NEO1: variants seen among roughly 807,000 people sequenced by gnomAD.
NEO1 encodes neogenin.
A neutral mutation model predicts 159.7 loss-of-function variants in NEO1; 63 were observed. The observed-to-expected ratio is 0.39, with a 90% CI of 0.32 to 0.49. The LOEUF is 0.49. NEO1 is among the 20% of genes least tolerant of loss of function. The probability of loss-of-function intolerance (pLI) is 0.85; values close to 1 mark genes in which losing one functional copy is unlikely to be tolerated. For missense variants in NEO1, 1,615 were observed against 1,831.0 expected, an observed-to-expected ratio of 0.88 and a Z score of 2.15; for synonymous variants, 633 against 662.0, an observed-to-expected ratio of 0.96 and a Z score of 0.67.
chr15:73,266,278 A>G lies in NEO1; in HGVS notation c.2399-38A>G, dbSNP rs746497642. The G allele has an allele frequency of 3.2e-5, 49 of 1,513,664 alleles. No homozygotes were observed. The Middle Eastern group carries it at 8.6e-4, about 27-fold the overall frequency. 93.8% of individuals were successfully genotyped at this position (1,513,664 alleles called of 1,614,324 possible). Reference sequence around the variant, plus strand: ...CACCCTTGAATTTTTAAAATTCTGTAGTGAGCATTTTTTTAATGTGTGTTT... The same window carrying G: ...CACCCTTGAATTTTTAAAATTCTGTGGTGAGCATTTTTTTAATGTGTGTTT... On this transcript the variant is annotated intron_variant, in intron 15 of 28. Transcript: ENST00000261908.
intron 26 of NEO1, among the ~76,000 whole-genome samples, chr15:73,297,544 T>C (rs141549395): frequency 2.0e-5 from 3 of 152,344 alleles, no homozygotes; most frequent in Middle Eastern, 3.4e-3. Flanking sequence ...TTCAGTGACT[T>C]TGTCAAATTC....
chr15:73,194,080 C>A (rs982908488), intron 7 of NEO1, among the ~76,000 whole-genome samples: 3 of 152,090 alleles, frequency 2.0e-5, no homozygotes, highest in Non-Finnish European at 4.4e-5. Context: ...TTATTTAATA[C>A]CAAGTCAAAG....
chr15:73,177,907 A>G (rs2035374840), intron 6 of NEO1, among the ~76,000 whole-genome samples: 1 of 152,300 alleles, frequency 6.6e-6, no homozygotes, highest in East Asian at 1.9e-4. Context: ...GCTTCATTTA[A>G]TTTATTGTAG....
chr15:73,133,943 T>C (rs2031445693), intron 4 of NEO1, among the ~76,000 whole-genome samples: 1 of 152,228 alleles, frequency 6.6e-6, no homozygotes. Flanking sequence ...TATTTTTTAG[T>C]GTAATTATTA....
At chr15:73,283,214 A>T (rs949078869) in intron 23 of NEO1, 103 bp downstream of exon 23, 4 of 1,289,464 alleles carry the variant, frequency 3.1e-6, no homozygotes, top group Non-Finnish European at 4.3e-6. Flanking sequence ...ACATAAAAAT[A>T]CATGAAAAGG....
chr15:73,244,851 T>G (rs1046396641), intron 9 of NEO1, among the ~76,000 whole-genome samples: 1 of 144,990 alleles, frequency 6.9e-6, no homozygotes, highest in Non-Finnish European at 1.5e-5. Flanking sequence ...CTCGGGAGAA[T>G]AGCTGAGGCA....
intron 7 of NEO1, among the ~76,000 whole-genome samples, chr15:73,201,133 T>C (rs998373641): frequency 1.3e-5 from 2 of 151,974 alleles, no homozygotes; most frequent in Non-Finnish European, 2.9e-5. Flanking sequence ...TAACTTTTAA[T>C]TTCATTTTAT....
intron 7 of NEO1, among the ~76,000 whole-genome samples, chr15:73,229,903 A>G (rs1403588517): frequency 6.6e-6 from 1 of 152,100 alleles, no homozygotes; most frequent in Non-Finnish European, 1.5e-5. Context: ...ATGGCATATA[A>G]TTTTTTAATG....
chr15:73,290,305 A>AG (rs1020513941), intron 25 of NEO1, among the ~76,000 whole-genome samples: 12 of 125,894 alleles, frequency 9.5e-5, no homozygotes, highest in South Asian at 2.5e-4. Context: ...CAGTGTCACG[A>AG]TCTCAGCTCA....
At chr15:73,265,267 T>TGAGCAGCAG (rs2040832627) in intron 15 of NEO1, among the ~76,000 whole-genome samples, 1 of 152,158 alleles carries the variant, frequency 6.6e-6, no homozygotes, top group Non-Finnish European at 1.5e-5. Context: ...GTTTCTGGCT[T>TGAGCAGCAG]GAGCAGCAGG....
At chr15:73,158,747 A>G (rs193281855) in intron 5 of NEO1, among the ~76,000 whole-genome samples, 1 of 152,328 alleles carries the variant, frequency 6.6e-6, no homozygotes, top group African/African-American at 2.4e-5. Context: ...TGTTCTAGAA[A>G]GGATATATAG....
chr15:73,292,431 T>A (rs1452313612), intron 25 of NEO1, among the ~76,000 whole-genome samples: 1 of 152,206 alleles, frequency 6.6e-6, no homozygotes. Flanking sequence ...GGGGTAGAGC[T>A]GGTTATCTTG....
chr15:73,225,290 G>C (rs1015111165), intron 7 of NEO1, among the ~76,000 whole-genome samples: 2 of 152,114 alleles, frequency 1.3e-5, no homozygotes, highest in African/African-American at 4.8e-5. Context: ...CCTCCTGCCG[G>C]GAGTTTGTAC....
At chr15:73,133,118 A>G (rs1168358838) in intron 4 of NEO1, among the ~76,000 whole-genome samples, 2 of 152,206 alleles carry the variant, frequency 1.3e-5, no homozygotes, top group East Asian at 1.9e-4. Flanking sequence ...TTGCAAAAAT[A>G]TGGAACCAGC....
At chr15:73,260,622 A>G (rs565720417) in intron 15 of NEO1, among the ~76,000 whole-genome samples, 157 bp downstream of exon 15, 20 of 152,226 alleles carry the variant, frequency 1.3e-4, no homozygotes, top group Non-Finnish European at 2.4e-4. Flanking sequence ...ACATTTAACC[A>G]CATTTACAGC....
intron 9 of NEO1, among the ~76,000 whole-genome samples, chr15:73,247,455 A>G (rs1425975220): frequency 1.3e-5 from 2 of 152,220 alleles, no homozygotes; most frequent in Non-Finnish European, 2.9e-5. Context: ...TTAATAAGTT[A>G]GAGGAAAGTT....
At chr15:73,289,282 A>T in intron 25 of NEO1, 44 bp downstream of exon 25, 2 of 1,500,746 alleles carry the variant, frequency 1.3e-6, no homozygotes, top group Non-Finnish European at 1.9e-6. Context: ...CAATCTGTTC[A>T]GTCATGTAGG....
At chr15:73,081,963 C>T (rs1337486342) in intron 1 of NEO1, among the ~76,000 whole-genome samples, 1 of 151,008 alleles carries the variant, frequency 6.6e-6, no homozygotes, top group African/African-American at 2.4e-5. Flanking sequence ...GCACTCCCTG[C>T]TCCGGGCCCA....
intron 23 of NEO1, among the ~76,000 whole-genome samples, chr15:73,286,558 C>T (rs146983949): frequency 6.6e-6 from 1 of 152,312 alleles, no homozygotes; most frequent in Non-Finnish European, 1.5e-5. Flanking sequence ...GTATTTCTGT[C>T]TCCAGCCAAG....
Sources: allele counts gnomAD v4.1 joint callset (sites outside exome capture counted in the v4.1 genomes callset), GRCh38; gene constraint gnomAD v4.1.1; transcripts MANE v1.5; gene names NCBI Gene and HGNC (gene_info 2026-07-23, HGNC 2026-07-21).